The following TMEM135 variants were observed in gnomAD, a reference collection of about 807,000 sequenced individuals.
The protein encoded by TMEM135 is transmembrane protein 135, also known as peroxisomal membrane protein 52.
Under a neutral mutation model 60.3 loss-of-function variants are expected in TMEM135, and 30 were observed. The ratio of observed to expected loss-of-function variants is 0.50; its 90% confidence interval spans 0.37 to 0.68. TMEM135 has a LOEUF of 0.68. Among genes scored for constraint, TMEM135 ranks in the 30% least tolerant of loss-of-function variants. The probability of loss-of-function intolerance (pLI) is 0.00; values close to 1 mark genes in which losing one functional copy is unlikely to be tolerated. For missense variants in TMEM135, 468 were observed against 548.8 expected, an observed-to-expected ratio of 0.85 and a Z score of 1.47; for synonymous variants, 190 against 186.7, an observed-to-expected ratio of 1.02 and a Z score of -0.14.
At chr11:87,293,391 C>G (rs924825233) in intron 6 of TMEM135, among the ~76,000 whole-genome samples, 8 of 92,494 alleles carry the variant, frequency 8.6e-5, no homozygotes, top group Admixed American at 1.9e-4. Flanking sequence ...TTTTTTTCTT[C>G]TTAAAAAAAC....
intron 12 of TMEM135, among the ~76,000 whole-genome samples, chr11:87,316,014 T>A (rs1942722423): frequency 6.6e-6 from 1 of 151,936 alleles, no homozygotes; most frequent in Admixed American, 6.6e-5. Context: ...AGATGTAGAA[T>A]CAGTCTTCTC....
chr11:87,046,895 C>T (rs932274488), intron 1 of TMEM135, among the ~76,000 whole-genome samples: 4 of 152,180 alleles, frequency 2.6e-5, no homozygotes, highest in Non-Finnish European at 5.9e-5. Flanking sequence ...ACTTGAATCT[C>T]AGTCCTGCCA....
chr11:87,224,754 T>C (rs567019443), intron 5 of TMEM135, among the ~76,000 whole-genome samples: 24 of 99,076 alleles, frequency 2.4e-4, no homozygotes, highest in African/African-American at 8.7e-4. Context: ...CTGAATGACA[T>C]GTGAGTTTTT....
intron 3 of TMEM135, among the ~76,000 whole-genome samples, chr11:87,075,401 G>A (rs927428814): frequency 6.6e-5 from 10 of 151,938 alleles, no homozygotes; most frequent in African/African-American, 2.4e-4. Flanking sequence ...TGATCTGCCC[G>A]CCTCAGCCTC....
chr11:87,169,622 A>T (rs574822035), intron 5 of TMEM135, among the ~76,000 whole-genome samples: 2 of 152,172 alleles, frequency 1.3e-5, no homozygotes, highest in East Asian at 3.9e-4. Context: ...AATGTTGAAT[A>T]TTGGCCCTCA....
chr11:87,276,792 C>G (rs1381651937), intron 6 of TMEM135, among the ~76,000 whole-genome samples: 1 of 151,492 alleles, frequency 6.6e-6, no homozygotes, highest in East Asian at 1.9e-4. Flanking sequence ...CCTCAGCCTC[C>G]CAAGTAGTGG....
intron 5 of TMEM135, among the ~76,000 whole-genome samples, chr11:87,162,070 TA>T (rs1228582292): frequency 3.9e-5 from 6 of 152,150 alleles, no homozygotes; most frequent in African/African-American, 1.2e-4. Context: ...TTGCAGTTAC[TA>T]AACTTCAAAA....
intron 5 of TMEM135, among the ~76,000 whole-genome samples, chr11:87,226,101 C>T (rs1439964946): frequency 6.6e-6 from 1 of 152,020 alleles, no homozygotes; most frequent in East Asian, 1.9e-4. Context: ...TAATGACTTA[C>T]AATGACCAAT....
intron 4 of TMEM135, among the ~76,000 whole-genome samples, chr11:87,100,583 T>TG (rs1857436026): frequency 1.3e-5 from 2 of 152,176 alleles, no homozygotes. Flanking sequence ...GTTTCTGATT[T>TG]GGAAAATAAA....
chr11:87,304,715 G>A (rs1013950812), intron 8 of TMEM135, among the ~76,000 whole-genome samples: 2 of 152,218 alleles, frequency 1.3e-5, no homozygotes, highest in Admixed American at 1.3e-4. Context: ...TGGGATTGGA[G>A]AAGTGCAGAG....
At position 87,247,649 on chromosome 11, in the gene TMEM135, C is replaced by G. The variant is rs142889050; in HGVS notation, c.509+10965C>G. Among the ~76,000 whole-genome samples, 483 of 152,298 alleles carry G rather than the reference C, an allele frequency of 3.2e-3. 6 individuals are homozygous for G. Among genetic ancestry groups the G allele is most frequent in the East Asian group, 0.031 (160 of 5,172 alleles). The stretch of plus-strand genomic sequence containing the variant: ...TCAGTCAGACTCCGTGGGCGTAGGA[C>G]CCTCCGAGCCAGGTGTGGGATATAA... On this transcript the variant is annotated intron_variant, in intron 6 of 14. Coordinates refer to ENST00000305494, the MANE Select transcript of TMEM135 (RefSeq NM_022918.4).
chr11:87,292,559 A>G (rs1307385314), intron 6 of TMEM135, among the ~76,000 whole-genome samples: 1 of 152,248 alleles, frequency 6.6e-6, no homozygotes. Context: ...TATTTTCAAC[A>G]TTGAACACGG....
intron 6 of TMEM135, chr11:87,259,315 A>G (rs574693098): frequency 8.7e-6 from 3 of 344,466 alleles, no homozygotes; most frequent in Middle Eastern, 8.8e-4. Flanking sequence ...GATATTTCCA[A>G]ACCACTGTAC....
intron 4 of TMEM135, among the ~76,000 whole-genome samples, chr11:87,094,307 C>T (rs375749708): frequency 2.3e-4 from 35 of 152,258 alleles, no homozygotes; most frequent in African/African-American, 7.5e-4. Flanking sequence ...TTTCTGAAGC[C>T]GTCACGCTAC....
At chr11:87,101,796 T>C (rs1475243883) in intron 4 of TMEM135, among the ~76,000 whole-genome samples, 1 of 152,020 alleles carries the variant, frequency 6.6e-6, no homozygotes, top group African/African-American at 2.4e-5. Context: ...CCAACATGGA[T>C]AAACCCGTCT....
At chr11:87,057,954 A>G (rs1949909494) in intron 1 of TMEM135, among the ~76,000 whole-genome samples, 1 of 152,176 alleles carries the variant, frequency 6.6e-6, no homozygotes, top group Non-Finnish European at 1.5e-5. Context: ...GAGTACTAGA[A>G]GAGGACAATG....
chr11:87,038,261 AGGGGCTCT>A lies in TMEM135; in HGVS notation c.141+80_141+87del, dbSNP rs1949720940. ...CCGGGGGCTGCAGTTGGTGCTCCCG[AGGGGCTCT>A]GGGGGACTTGCCTTGTGTCGGGCTC... On this transcript the variant is annotated intron_variant, in intron 1 of 14. Coordinates refer to ENST00000305494, the MANE Select transcript of TMEM135 (RefSeq NM_022918.4). 14 of 1,346,434 alleles carry A rather than the reference AGGGGCTCT, an allele frequency of 1.0e-5. No individual in the cohort carries two copies. The African/African-American group carries it at 1.5e-4, about 14-fold the overall frequency. 83.4% of individuals were successfully genotyped at this position (1,346,434 alleles called of 1,614,324 possible). A position where few individuals can be genotyped will look rare whatever the true frequency, so the allele number is the denominator to read the frequency against.
intron 4 of TMEM135, among the ~76,000 whole-genome samples, chr11:87,137,078 G>A (rs535066293): frequency 6.6e-6 from 1 of 152,132 alleles, no homozygotes; most frequent in South Asian, 2.1e-4. Context: ...GAAGGGTGTG[G>A]AAATCTGTGA....
chr11:87,098,631 A>G (rs1857384486), intron 4 of TMEM135, among the ~76,000 whole-genome samples: 2 of 152,128 alleles, frequency 1.3e-5, no homozygotes, highest in African/African-American at 4.8e-5. Flanking sequence ...AAAAGAATCT[A>G]AAACAATTGA....
Sources: gnomAD v4.1 joint callset for allele counts (sites outside exome capture counted in the v4.1 genomes callset) on GRCh38, gnomAD v4.1.1 for gene constraint, MANE v1.5 for transcripts, NCBI Gene and HGNC (gene_info 2026-07-23, HGNC 2026-07-21) for gene names.